Variants in RASSF8 observed in about 807,000 individuals in gnomAD.
RASSF8 encodes the protein ras association domain-containing protein 8.
A neutral mutation model predicts 48.5 loss-of-function variants in RASSF8; 22 were observed. The observed-to-expected ratio is 0.45, with a 90% confidence interval of 0.32 to 0.65. The LOEUF (loss-of-function observed/expected upper bound fraction) is 0.65, where lower values mean the gene tolerates loss of function less well. Among genes scored for constraint, RASSF8 ranks in the 30% least tolerant of loss-of-function variants. The pLI, the probability that RASSF8 is intolerant of heterozygous loss-of-function variation, is 0.03. For missense variants in RASSF8, 418 were observed against 489.2 expected, an observed-to-expected ratio of 0.85 and a Z score of 1.37; for synonymous variants, 127 against 171.5, an observed-to-expected ratio of 0.74 and a Z score of 2.03.
rs193192637 is a variant in RASSF8 at position 26,062,764 on chromosome 12, C to A, written c.104-1734C>A. ...TATTTAAAGGAATTCTGTGGTCAGC[C>A]CTTTTGTTATAGGAAAAATGTCTTA... On this transcript the variant is annotated intron_variant, in intron 3 of 5. Coordinates refer to ENST00000689635, the MANE Select transcript of RASSF8 (RefSeq NM_001394098.1). Among the ~76,000 whole-genome samples the A allele has an allele frequency of 3.3e-3, 509 of 152,272 alleles. 1 individual carries two copies. Among genetic ancestry groups the A allele is most frequent in the Non-Finnish European group, 5.9e-3 (401 of 68,034 alleles).
chr12:26,014,549 C>T (rs1565619105), intron 2 of RASSF8, among the ~76,000 whole-genome samples: 1 of 152,084 alleles, frequency 6.6e-6, no homozygotes, highest in Non-Finnish European at 1.5e-5. Context: ...TTTTTAATAG[C>T]ATGTAAAAGT....
chr12:25,989,443 A>G (rs1435138623), intron 1 of RASSF8, among the ~76,000 whole-genome samples: 1 of 152,094 alleles, frequency 6.6e-6, no homozygotes, highest in East Asian at 1.9e-4. Flanking sequence ...CCTAAATAAT[A>G]TGATGAATAC....
chr12:25,997,761 G>T (rs1178535917), intron 2 of RASSF8, among the ~76,000 whole-genome samples: 3 of 152,164 alleles, frequency 2.0e-5, no homozygotes, highest in Admixed American at 2.0e-4. Context: ...AAGAATTTCA[G>T]TGACAATAAA....
At chr12:25,967,355 C>G (rs916917021) in intron 1 of RASSF8, among the ~76,000 whole-genome samples, 23 of 152,236 alleles carry the variant, frequency 1.5e-4, no homozygotes, top group Middle Eastern at 3.4e-3. Flanking sequence ...CATACCTTAT[C>G]CCTTTTAACT....
intron 2 of RASSF8, among the ~76,000 whole-genome samples, chr12:26,028,334 A>T (rs1190099887): frequency 2.0e-5 from 3 of 152,214 alleles, no homozygotes; most frequent in African/African-American, 7.2e-5. Context: ...AGATATGATG[A>T]TGTGTGATAA....
chr12:25,993,210 GAA>G (rs113145591), intron 1 of RASSF8, among the ~76,000 whole-genome samples: 1 of 152,310 alleles, frequency 6.6e-6, no homozygotes, highest in African/African-American at 2.4e-5. Context: ...AAAAGTTTAA[GAA>G]AGAGAGATTT....
At chr12:26,016,883 T>C (rs1332388416) in intron 2 of RASSF8, among the ~76,000 whole-genome samples, 2 of 152,188 alleles carry the variant, frequency 1.3e-5, no homozygotes, top group Admixed American at 6.5e-5. Flanking sequence ...TTAGTTGAGA[T>C]CTTTTTCTTT....
intron 2 of RASSF8, among the ~76,000 whole-genome samples, chr12:26,039,482 G>A (rs1030430162): frequency 2.0e-5 from 3 of 152,010 alleles, no homozygotes; most frequent in African/African-American, 4.8e-5. Flanking sequence ...TGGTGGGGGC[G>A]GGGGTCGGTG....
downstream of RASSF8, among the ~76,000 whole-genome samples, chr12:26,075,203 C>T (rs1175424677): frequency 6.6e-6 from 1 of 152,114 alleles, no homozygotes; most frequent in African/African-American, 2.4e-5. Context: ...CAAAGATACT[C>T]CAGGTGTTTA....
intron 1 of RASSF8, among the ~76,000 whole-genome samples, chr12:25,965,527 A>C (rs1941341162): frequency 6.6e-6 from 1 of 151,950 alleles, no homozygotes; most frequent in East Asian, 1.9e-4. Flanking sequence ...ATGGCTGGCT[A>C]AGTTATGTAT....
At chr12:25,975,965 A>G (rs1204133696) in intron 1 of RASSF8, among the ~76,000 whole-genome samples, 1 of 152,290 alleles carries the variant, frequency 6.6e-6, no homozygotes, top group African/African-American at 2.4e-5. Flanking sequence ...GAGACTAGAC[A>G]GAAATGGGGC....
chr12:26,006,022 T>C (rs1448400745), intron 2 of RASSF8, among the ~76,000 whole-genome samples: 1 of 152,192 alleles, frequency 6.6e-6, no homozygotes, highest in African/African-American at 2.4e-5. Context: ...CTTCCGTTGG[T>C]TTCTGTTAAA....
Position 26,069,540 on chromosome 12 carries a change from G to T in RASSF8, c.*722G>T. On this transcript the variant is annotated 3_prime_UTR_variant, in exon 6 of 6. Transcript: ENST00000689635. ...AAATTGTATGTATAAAACATTTGCAGTGTTTCAGACACTGTTGAACAAAAA... is the reference window on the plus strand; with the variant it reads ...AAATTGTATGTATAAAACATTTGCATTGTTTCAGACACTGTTGAACAAAAA... 1.0e-6 allele frequency: 1 copy of T among 985,424 alleles called. No homozygotes were observed. Among genetic ancestry groups the T allele is most frequent in the Non-Finnish European group, 1.2e-6 (1 of 829,924 alleles). 61.0% of individuals were successfully genotyped at this position (985,424 alleles called of 1,614,324 possible). A position where few individuals can be genotyped will look rare whatever the true frequency, so the allele number is the denominator to read the frequency against.
rs139099890 is a variant in RASSF8, at chr12:26,069,060, G to A, written c.*242G>A. On this transcript the variant is annotated 3_prime_UTR_variant, in exon 6 of 6. Coordinates refer to ENST00000689635, the MANE Select transcript of RASSF8 (RefSeq NM_001394098.1). ...CCAGCAGCTATAATGCAAAGCCTTC[G>A]TTTTTATTTGTAGCATTTTGAGAGC... is the stretch of plus-strand genomic sequence containing the variant. 28 of 1,160,826 alleles carry A rather than the reference G, an allele frequency of 2.4e-5. No homozygotes were observed. The highest frequency in any genetic ancestry group is 3.7e-4 in the Middle Eastern group (1 of 2,684). 71.9% of individuals were successfully genotyped at this position (1,160,826 alleles called of 1,614,324 possible).
At chr12:26,065,507 T>A in intron 4 of RASSF8, 120 bp downstream of exon 4, 2 of 1,331,550 alleles carry the variant, frequency 1.5e-6, no homozygotes, top group South Asian at 1.6e-5. Context: ...CAGCCTTGTT[T>A]AAAACTTTTG....
intron 1 of RASSF8, among the ~76,000 whole-genome samples, chr12:25,960,947 C>T (rs766806589): frequency 6.4e-4 from 97 of 152,160 alleles, no homozygotes; most frequent in Non-Finnish European, 1.2e-3. Context: ...CTGAATTTGG[C>T]ATTTGGTTCA....
Position 26,064,752 on chromosome 12 carries a change from A to G in RASSF8, c.358A>G (p.Ile120Val), listed in dbSNP as rs760953892. ...ACTGAGGCCTCAGATTGACAAATCA[A>G]TCAAAAGGAGGGAACCGAAAAGGAA... The part of the protein sequence containing the change: ...AKLRPQIDKS[I>V]KRREPKRKSL... Residue 120 changes from isoleucine to valine, a missense_variant, in exon 4 of 6, where the codon ATC (isoleucine) becomes GTC (valine). Coordinates refer to ENST00000689635, the MANE Select transcript of RASSF8 (RefSeq NM_001394098.1). The G allele has an allele frequency of 9.8e-5, 158 of 1,614,092 alleles. No individual in the cohort carries two copies. The highest frequency in any genetic ancestry group is 1.2e-4 in the Non-Finnish European group (145 of 1,180,036).
intron 5 of RASSF8, chr12:26,079,007 TTGTG>T: frequency 6.5e-7 from 1 of 1,534,474 alleles, no homozygotes; most frequent in Non-Finnish European, 8.8e-7. Flanking sequence ...TTTTTTGTTG[TTGTG>T]TGTTTCTTCT....
At chr12:26,066,713 C>G (rs909840766) in intron 4 of RASSF8, among the ~76,000 whole-genome samples, 1 of 152,314 alleles carries the variant, frequency 6.6e-6, no homozygotes, top group South Asian at 2.1e-4. Context: ...CCAAGTACCC[C>G]CTACACTCAA....
Sources: gnomAD v4.1 joint callset for allele counts (sites outside exome capture counted in the v4.1 genomes callset) on GRCh38, gnomAD v4.1.1 for gene constraint, MANE v1.5 for transcripts, NCBI Gene and HGNC (gene_info 2026-07-23, HGNC 2026-07-21) for gene names.